Variants in DCDC2C observed in about 807,000 individuals in gnomAD.
DCDC2C encodes the protein doublecortin domain containing 2C, also known as doublecortin domain-containing protein 2C.
DCDC2C carries 44 observed loss-of-function variants against 45.0 expected under a neutral mutation model. The ratio of observed to expected loss-of-function variants is 0.98; its 90% CI spans 0.77 to 1.26. The LOEUF is 1.26. DCDC2C is among the 50% of genes most tolerant of loss of function. The probability of loss-of-function intolerance (pLI) is 0.00; values close to 1 mark genes in which losing one functional copy is unlikely to be tolerated. For missense variants in DCDC2C, 447 were observed against 468.9 expected (o/e 0.95, Z 0.43); for synonymous variants, 187 against 178.8 (o/e 1.05, Z -0.37).
At chr2:3,846,379 C>T (rs763627654) in intron 10 of DCDC2C, among the ~76,000 whole-genome samples, 5 of 152,088 alleles carry the variant, frequency 3.3e-5, no homozygotes, top group African/African-American at 7.2e-5. Context: ...CTCAGCCTCC[C>T]GTGTAGCTGA....
chr2:3,708,608 T>C lies in DCDC2C; in HGVS notation c.339+8T>C. The C allele has an allele frequency of 6.5e-7, 1 of 1,546,304 alleles. No homozygotes were observed. ...ATAAGGAAGTTGAAGGAAGTAAGTG[T>C]TTGCTTCTAACAACTAATAATGGAA... On this transcript the variant is annotated splice_region_variant and intron_variant, in intron 2 of 10. Transcript: ENST00000399143.
chr2:3,801,905 G>A (rs1470138754), intron 10 of DCDC2C, among the ~76,000 whole-genome samples: 1 of 152,232 alleles, frequency 6.6e-6, no homozygotes. Flanking sequence ...AGCCCACTTT[G>A]AGGTTCAGCT....
chr2:3,746,380 T>C (rs1441455368), intron 4 of DCDC2C, among the ~76,000 whole-genome samples: 1 of 151,616 alleles, frequency 6.6e-6, no homozygotes, highest in East Asian at 1.9e-4. Context: ...AAAGTGGGAG[T>C]GGATGGGGAC....
chr2:3,762,312 A>C (rs1346952036), intron 6 of DCDC2C, among the ~76,000 whole-genome samples: 2 of 152,202 alleles, frequency 1.3e-5, no homozygotes, highest in African/African-American at 4.8e-5. Context: ...ACCACAAGGC[A>C]TGTGGCTGTG....
intron 3 of DCDC2C, among the ~76,000 whole-genome samples, chr2:3,732,715 C>T (rs985118775): frequency 3.9e-5 from 6 of 152,130 alleles, no homozygotes; most frequent in African/African-American, 1.4e-4. Context: ...ATTGGAATCT[C>T]TTGTTAGCCA....
chr2:3,808,190 G>A (rs1426534357), intron 10 of DCDC2C, among the ~76,000 whole-genome samples: 2 of 152,146 alleles, frequency 1.3e-5, no homozygotes, highest in Non-Finnish European at 2.9e-5. Flanking sequence ...CTCACCAGCA[G>A]CTTTCTTTAT....
intron 2 of DCDC2C, among the ~76,000 whole-genome samples, chr2:3,713,643 G>A (rs1384680093): frequency 6.6e-6 from 1 of 152,192 alleles, no homozygotes; most frequent in Non-Finnish European, 1.5e-5. Context: ...GTTTACAGTA[G>A]CATTTTGTTT....
intron 8 of DCDC2C, among the ~76,000 whole-genome samples, chr2:3,769,934 CCAG>C (rs1217411118): frequency 6.6e-6 from 1 of 152,154 alleles, no homozygotes; most frequent in Non-Finnish European, 1.5e-5. Flanking sequence ...GAGTGTGTGG[CCAG>C]CACTGGTGCA....
intron 10 of DCDC2C, among the ~76,000 whole-genome samples, chr2:3,806,442 G>A (rs1671245489): frequency 6.6e-6 from 1 of 152,160 alleles, no homozygotes; most frequent in Non-Finnish European, 1.5e-5. Flanking sequence ...TGCCCGCGTT[G>A]TATGAGAGCC....
At chr2:3,783,691 G>A (rs1384910643) in intron 9 of DCDC2C, among the ~76,000 whole-genome samples, 2 of 152,260 alleles carry the variant, frequency 1.3e-5, no homozygotes, top group African/African-American at 4.8e-5. Context: ...GTGTGTGGCA[G>A]TGGAGGTAGC....
In DCDC2C at chr2:3,708,598, G is replaced by A; in HGVS notation, c.337G>A (p.Glu113Lys). 1 of 1,548,486 alleles carries A rather than the reference G, an allele frequency of 6.5e-7. No homozygotes were observed. Among genetic ancestry groups the A allele is most frequent in the Non-Finnish European group, 8.7e-7 (1 of 1,145,850 alleles). Residue 113 changes from glutamate (E) to lysine (K), a missense_variant and splice_region_variant, in exon 2 of 11, where the codon GAA (glutamate) becomes AAA (lysine). Coordinates refer to ENST00000399143, the MANE Select transcript of DCDC2C (RefSeq NM_001287444.2). Reference protein sequence around the residue: ...RKPAKIRKLKEIKPVVHCDIN... With the variant: ...RKPAKIRKLKKIKPVVHCDIN... Reference sequence around the variant, plus strand: ...ACCTGCAAAGATAAGGAAGTTGAAGGAAGTAAGTGTTTGCTTCTAACAACT... The same window carrying A: ...ACCTGCAAAGATAAGGAAGTTGAAGAAAGTAAGTGTTTGCTTCTAACAACT...
At chr2:3,715,703 ATG>A (rs1221956829) in intron 2 of DCDC2C, among the ~76,000 whole-genome samples, 1 of 152,162 alleles carries the variant, frequency 6.6e-6, no homozygotes, top group Non-Finnish European at 1.5e-5. Flanking sequence ...TAATATGTGT[ATG>A]TGTACTAAGC....
chr2:3,833,903 G>T (rs1672009205), intron 10 of DCDC2C, among the ~76,000 whole-genome samples: 1 of 152,198 alleles, frequency 6.6e-6, no homozygotes, highest in Non-Finnish European at 1.5e-5. Flanking sequence ...ATAAGTAGCA[G>T]TCTTCTCTAT....
chr2:3,719,791 C>T (rs1668443713), intron 2 of DCDC2C, among the ~76,000 whole-genome samples: 1 of 152,226 alleles, frequency 6.6e-6, no homozygotes, highest in Non-Finnish European at 1.5e-5. Context: ...AATGAAGAAA[C>T]TATAGACAGT....
chr2:3,819,567 G>A (rs993311032), intron 10 of DCDC2C, among the ~76,000 whole-genome samples: 2 of 152,180 alleles, frequency 1.3e-5, no homozygotes, highest in South Asian at 4.1e-4. Flanking sequence ...CTAATTTTTG[G>A]AGCTTTATTT....
rs967842784 is a variant in DCDC2C at position 3,755,481 on chromosome 2, A to G, written c.726+847A>G. On this transcript the variant is annotated intron_variant, in intron 6 of 10. Transcript: ENST00000399143. ...TGTGTGTGTATGGAGACATGTGTGC[A>G]TGTGTACACAGGAGTACACGTGTGT... Among the ~76,000 whole-genome samples, 4 of 147,242 alleles carry G rather than the reference A, an allele frequency of 2.7e-5. No individual in the cohort carries two copies. The East Asian group carries it at 9.2e-4, about 34-fold the overall frequency.
intron 10 of DCDC2C, among the ~76,000 whole-genome samples, chr2:3,806,298 GTC>G (rs1671241529): frequency 6.6e-6 from 1 of 152,274 alleles, no homozygotes; most frequent in South Asian, 2.1e-4. Context: ...CAGTGTTTTG[GTC>G]TCTCCTCTCC....
chr2:3,730,724 T>TG (rs1407131552), intron 3 of DCDC2C, among the ~76,000 whole-genome samples: 1 of 152,188 alleles, frequency 6.6e-6, no homozygotes, highest in African/African-American at 2.4e-5. Context: ...AAGAAACACT[T>TG]GCGCCTGGGT....
intron 10 of DCDC2C, among the ~76,000 whole-genome samples, chr2:3,843,977 A>C (rs886676690): frequency 1.3e-5 from 2 of 152,206 alleles, no homozygotes; most frequent in Non-Finnish European, 2.9e-5. Context: ...ATGATATAGC[A>C]GCAATGTTTG....
Sources: gnomAD v4.1 joint callset for allele counts (sites outside exome capture counted in the v4.1 genomes callset) on GRCh38, gnomAD v4.1.1 for gene constraint, MANE v1.5 for transcripts, NCBI Gene and HGNC (gene_info 2026-07-23, HGNC 2026-07-21) for gene names.